MAGI2: variants seen among roughly 807,000 people sequenced by gnomAD.
The protein encoded by MAGI2 is membrane-associated guanylate kinase, WW and PDZ domain-containing protein 2.
A neutral mutation model predicts 133.3 loss-of-function variants in MAGI2; 35 were observed. The ratio of observed to expected loss-of-function variants is 0.26; its 90% confidence interval spans 0.20 to 0.35. The LOEUF (loss-of-function observed/expected upper bound fraction) is 0.35, where lower values mean the gene tolerates loss of function less well. Ranked by LOEUF, MAGI2 falls within the 10% of genes least tolerant of loss-of-function variation. The pLI is 1.00. For synonymous variants in MAGI2, 729 were observed against 710.6 expected (o/e 1.03, Z -0.41); for missense variants, 1,636 against 1,863.4 (o/e 0.88, Z 2.25).
chr7:79,196,646 C>T (rs139113753), intron 1 of MAGI2, among the ~76,000 whole-genome samples: 1 of 152,092 alleles, frequency 6.6e-6, no homozygotes, highest in African/African-American at 2.4e-5. Context: ...TGTGTTATCA[C>T]TGCATTTCCT....
intron 2 of MAGI2, among the ~76,000 whole-genome samples, chr7:78,820,099 C>G (rs993035338): frequency 1.1e-4 from 17 of 151,798 alleles, no homozygotes; most frequent in African/African-American, 4.1e-4. Flanking sequence ...TCAAAAACAT[C>G]ATAAGCTTGA....
intron 2 of MAGI2, among the ~76,000 whole-genome samples, chr7:78,883,257 C>T (rs770577079): frequency 6.6e-6 from 1 of 151,964 alleles, no homozygotes; most frequent in South Asian, 2.1e-4. Flanking sequence ...GTAATAGACA[C>T]ACACACAAAA....
At chr7:78,083,239 G>A (rs1035150749) in intron 20 of MAGI2, among the ~76,000 whole-genome samples, 1 of 151,850 alleles carries the variant, frequency 6.6e-6, no homozygotes, top group Non-Finnish European at 1.5e-5. Flanking sequence ...CTGCCACAGA[G>A]CTATCTTCAA....
intron 1 of MAGI2, among the ~76,000 whole-genome samples, chr7:79,033,738 A>G (rs1271961811): frequency 6.6e-6 from 1 of 152,168 alleles, no homozygotes; most frequent in East Asian, 1.9e-4. Context: ...AATTTGGCCC[A>G]ATGGCTTAAT....
At chr7:78,046,857 G>A (rs1811487778) in intron 21 of MAGI2, among the ~76,000 whole-genome samples, 1 of 151,998 alleles carries the variant, frequency 6.6e-6, no homozygotes, top group African/African-American at 2.4e-5. Context: ...GTCTTGAGAT[G>A]GTATCATAAG....
chr7:78,747,516 C>G (rs1292495863), intron 2 of MAGI2, among the ~76,000 whole-genome samples: 1 of 151,544 alleles, frequency 6.6e-6, no homozygotes, highest in African/African-American at 2.4e-5. Flanking sequence ...GCATAGTCGA[C>G]TAAACCAGAA....
At position 79,321,501 on chromosome 7, in the gene MAGI2, A is replaced by G. The variant is rs10237279; in HGVS notation, c.301+131519T>C. ...ATTCTCACAGAACACGTTGGAAAGTAGTGTCTACTGACAAAAGATAAAATA... is the reference window on the plus strand; with the variant it reads ...ATTCTCACAGAACACGTTGGAAAGTGGTGTCTACTGACAAAAGATAAAATA... On this transcript the variant is annotated intron_variant, in intron 1 of 21. Coordinates refer to ENST00000354212, the MANE Select transcript of MAGI2 (RefSeq NM_012301.4). Among the ~76,000 whole-genome samples the G allele has an allele frequency of 6.6e-5, 10 of 152,284 alleles. No homozygotes were observed. The East Asian group carries it at 9.7e-4, about 15-fold the overall frequency.
chr7:78,307,138 G>A (rs541866582), intron 9 of MAGI2, among the ~76,000 whole-genome samples: 8 of 152,202 alleles, frequency 5.3e-5, no homozygotes, highest in East Asian at 1.9e-4. Flanking sequence ...TCATAAATTC[G>A]TCTTTGTCAG....
At position 78,109,980 on chromosome 7, in the gene MAGI2, G is replaced by A. The variant is rs570053287; in HGVS notation, c.3567+15714C>T. Among the ~76,000 whole-genome samples the A allele has an allele frequency of 2.0e-5, 3 of 152,182 alleles. No individual in the cohort carries two copies. In the East Asian group the frequency reaches 5.8e-4, roughly 30 times the overall value. On this transcript the variant is annotated intron_variant, in intron 20 of 21. Coordinates refer to ENST00000354212, the MANE Select transcript of MAGI2 (RefSeq NM_012301.4). ...AGCAAGGTGTACTGGCTTATTTCAG[G>A]CCAGCCCCTGCTCAGGCCTGAGCAC...
rs1041274321 is a variant in MAGI2 at position 78,977,318 on chromosome 7, C to T, written c.418+29772G>A. On this transcript the variant is annotated intron_variant, in intron 2 of 21. Transcript: ENST00000354212. ...AACTGATTCTGACAAGGCAAAAAGGCAATTCAATGAAGGAACCATCTTTCC... is the reference window on the plus strand; with the variant it reads ...AACTGATTCTGACAAGGCAAAAAGGTAATTCAATGAAGGAACCATCTTTCC... Among the ~76,000 whole-genome samples the T allele has an allele frequency of 6.6e-5, 10 of 151,066 alleles. No individual in the cohort carries two copies. The East Asian group carries it at 1.4e-3, about 21-fold the overall frequency.
intron 6 of MAGI2, among the ~76,000 whole-genome samples, chr7:78,411,032 AT>A (rs1254402881): frequency 1.3e-5 from 2 of 152,076 alleles, no homozygotes; most frequent in African/African-American, 2.4e-5. Context: ...CCAGAAAAAA[AT>A]AGCCTCAGAG....
At chr7:79,252,179 GAA>G (rs1833346239) in intron 1 of MAGI2, among the ~76,000 whole-genome samples, 3 of 20,276 alleles carry the variant, frequency 1.5e-4, no homozygotes, top group Middle Eastern at 0.031. Flanking sequence ...AAAAAAAAAA[GAA>G]GAAGAAGAAA....
chr7:79,007,363 C>G (rs568930292), intron 1 of MAGI2, among the ~76,000 whole-genome samples, 157 bp from the exon 2 acceptor site: 2 of 152,102 alleles, frequency 1.3e-5, no homozygotes, highest in African/African-American at 4.8e-5. Context: ...ACAATGATAA[C>G]AGAGATAACA....
intron 1 of MAGI2, among the ~76,000 whole-genome samples, chr7:79,309,956 C>A (rs1838108526): frequency 8.5e-6 from 1 of 117,620 alleles, no homozygotes; most frequent in Admixed American, 1.0e-4. Flanking sequence ...CATAGGGAAA[C>A]CTTGTTTTTC....
intron 3 of MAGI2, among the ~76,000 whole-genome samples, chr7:78,546,471 C>G (rs1798850856): frequency 6.6e-6 from 1 of 152,108 alleles, no homozygotes. Flanking sequence ...GAAAGATAGA[C>G]AAGCCTGCAG....
chr7:78,105,511 C>A (rs1413339190), intron 20 of MAGI2, among the ~76,000 whole-genome samples: 3 of 152,046 alleles, frequency 2.0e-5, no homozygotes, highest in Admixed American at 2.0e-4. Context: ...TCTTTGTCAT[C>A]ATTTGATATA....
intron 1 of MAGI2, among the ~76,000 whole-genome samples, chr7:79,384,067 A>G (rs1285795719): frequency 6.6e-6 from 1 of 151,400 alleles, no homozygotes; most frequent in Non-Finnish European, 1.5e-5. Context: ...GGGGTAAACA[A>G]TGCATTTAAA....
At chr7:78,865,599 A>G (rs1211120390) in intron 2 of MAGI2, among the ~76,000 whole-genome samples, 2 of 152,214 alleles carry the variant, frequency 1.3e-5, no homozygotes, top group Non-Finnish European at 2.9e-5. Flanking sequence ...ACAAAGTTTC[A>G]TGGAGACTTA....
chr7:79,011,866 ATCCTTCCTTCCTTCCTTTCT>A (rs1345262788), intron 1 of MAGI2, among the ~76,000 whole-genome samples: 60 of 125,538 alleles, frequency 4.8e-4, no homozygotes, highest in African/African-American at 1.7e-3. Context: ...TTGGTAGAAG[ATCCTTCCTTCCTTCCTTTCT>A]TCCTTCCTTC....
Sources: gnomAD v4.1 joint callset for allele counts (sites outside exome capture counted in the v4.1 genomes callset) on GRCh38, gnomAD v4.1.1 for gene constraint, MANE v1.5 for transcripts, NCBI Gene and HGNC (gene_info 2026-07-23, HGNC 2026-07-21) for gene names.